Variants in FER observed in about 807,000 individuals in gnomAD.
FER encodes the protein tyrosine-protein kinase Fer.
Under a neutral mutation model 111.0 loss-of-function variants are expected in FER, and 63 were observed. The observed-to-expected ratio is 0.57, with a 90% confidence interval of 0.46 to 0.70. The LOEUF is 0.70. Among genes scored for constraint, FER ranks in the 30% least tolerant of loss-of-function variants. The probability of loss-of-function intolerance (pLI) is 0.00; values close to 1 mark genes in which losing one functional copy is unlikely to be tolerated. For synonymous variants in FER, 327 were observed against 313.9 expected (o/e 1.04, Z -0.44); for missense variants, 914 against 954.0 (o/e 0.96, Z 0.55).
chr5:108,894,456 T>A, intron 9 of FER: 1 of 430,554 alleles, frequency 2.3e-6, no homozygotes, highest in South Asian at 2.9e-5. Flanking sequence ...AATGAAGCAG[T>A]TCTTCACTGA....
chr5:108,987,855 C>T (rs1762748657), intron 13 of FER, among the ~76,000 whole-genome samples: 1 of 152,106 alleles, frequency 6.6e-6, no homozygotes, highest in South Asian at 2.1e-4. Flanking sequence ...TGAGAATGGG[C>T]GTCCTTGTCT....
intron 17 of FER, among the ~76,000 whole-genome samples, chr5:109,158,222 A>C (rs1755619688): frequency 6.6e-6 from 1 of 151,886 alleles, no homozygotes; most frequent in African/African-American, 2.4e-5. Context: ...CTACAAAAAA[A>C]ATACCAAAAA....
intron 13 of FER, among the ~76,000 whole-genome samples, chr5:108,984,490 A>G (rs1474407815): frequency 3.3e-5 from 5 of 152,140 alleles, no homozygotes; most frequent in Admixed American, 6.6e-5. Flanking sequence ...AATACTATAG[A>G]AGAAAACTAA....
At chr5:109,107,815 A>G (rs1175576163) in intron 17 of FER, among the ~76,000 whole-genome samples, 3 of 152,086 alleles carry the variant, frequency 2.0e-5, no homozygotes, top group Non-Finnish European at 2.9e-5. Flanking sequence ...CTTGAAGACT[A>G]CATTCCTCCA....
intron 9 of FER, among the ~76,000 whole-genome samples, chr5:108,888,642 T>C (rs958134621): frequency 6.6e-6 from 1 of 151,928 alleles, no homozygotes; most frequent in Non-Finnish European, 1.5e-5. Context: ...TAATTTCTAC[T>C]TACTGAAGTA....
intron 13 of FER, among the ~76,000 whole-genome samples, chr5:108,974,087 T>A (rs73778358): frequency 0.14 from 20,760 of 152,220 alleles, 2,065 homozygotes; most frequent in African/African-American, 0.28. Context: ...TGATTATCTC[T>A]TGAGTTAACA....
intron 17 of FER, among the ~76,000 whole-genome samples, chr5:109,163,234 TTATTTC>T (rs200322154): frequency 0.011 from 1,583 of 150,362 alleles, 23 homozygotes; most frequent in African/African-American, 0.037. Context: ...TTATGCTTTT[TTATTTC>T]TGAGTATTTC....
At chr5:109,106,745 C>A (rs1270870606) in intron 17 of FER, among the ~76,000 whole-genome samples, 1 of 152,046 alleles carries the variant, frequency 6.6e-6, no homozygotes, top group African/African-American at 2.4e-5. Flanking sequence ...AATTTCCCAC[C>A]ACTAGTTTCA....
chr5:109,083,956 A>G (rs997680766), intron 16 of FER, among the ~76,000 whole-genome samples: 3 of 152,082 alleles, frequency 2.0e-5, no homozygotes, highest in African/African-American at 7.2e-5. Flanking sequence ...TGAAAAAATA[A>G]TAGGCTAGCT....
intron 13 of FER, among the ~76,000 whole-genome samples, chr5:109,017,365 A>G (rs752295544): frequency 4.6e-5 from 7 of 152,040 alleles, no homozygotes; most frequent in African/African-American, 7.2e-5. Context: ...TACATTACAA[A>G]TACAAAACAT....
At chr5:108,849,944 C>A (rs1762390492) in intron 5 of FER, among the ~76,000 whole-genome samples, 1 of 152,112 alleles carries the variant, frequency 6.6e-6, no homozygotes, top group South Asian at 2.1e-4. Flanking sequence ...GTAATCCCAG[C>A]ACTTTGGGAG....
intron 11 of FER, among the ~76,000 whole-genome samples, chr5:108,950,691 G>A (rs1757604828): frequency 6.6e-6 from 1 of 151,982 alleles, no homozygotes; most frequent in African/African-American, 2.4e-5. Flanking sequence ...TAAAAAACTG[G>A]AAGGGAGAAC....
At position 109,096,140 on chromosome 5, in the gene FER, C is replaced by T. The variant is rs560831734; in HGVS notation, c.1925-4256C>T. ...TCGGTTCCTCTGAGCCCCATTAATA[C>T]TGAAAGAACAGGTGAGATCAAATTT... On this transcript the variant is annotated intron_variant, in intron 16 of 19. Transcript: ENST00000281092. 5.9e-5 allele frequency among the ~76,000 whole-genome samples: 9 copies of T among 151,982 alleles called. No individual in the cohort carries two copies. The South Asian group carries it at 1.5e-3, about 25-fold the overall frequency.
rs563065009 is a variant in FER, at chr5:109,014,306, G to C, written c.1657-23116G>C. On this transcript the variant is annotated intron_variant, in intron 13 of 19. Transcript: ENST00000281092. Reference sequence around the variant, plus strand: ...AGTTTCAGCTTTCTACATATGGCTAGCCAGTTTTCCCAGCACCATTTATTA... The same window carrying C: ...AGTTTCAGCTTTCTACATATGGCTACCCAGTTTTCCCAGCACCATTTATTA... Among the ~76,000 whole-genome samples, 89 of 152,248 alleles carry C rather than the reference G, an allele frequency of 5.8e-4. 1 individual carries two copies. In the South Asian group the frequency reaches 0.014, roughly 24 times the overall value.
At chr5:109,119,172 T>C (rs1750650540) in intron 17 of FER, among the ~76,000 whole-genome samples, 1 of 152,216 alleles carries the variant, frequency 6.6e-6, no homozygotes, top group Non-Finnish European at 1.5e-5. Flanking sequence ...CTCTACACAC[T>C]GCTTTGAATG....
intron 13 of FER, among the ~76,000 whole-genome samples, chr5:108,967,956 G>T (rs1030080545): frequency 6.6e-6 from 1 of 152,134 alleles, no homozygotes; most frequent in Admixed American, 6.5e-5. Flanking sequence ...CTGGGGACCT[G>T]CCCCTATCTG....
chr5:108,915,892 G>A (rs1752204460), intron 10 of FER, among the ~76,000 whole-genome samples: 1 of 151,760 alleles, frequency 6.6e-6, no homozygotes, highest in Admixed American at 6.6e-5. Flanking sequence ...TGAAGAAGAG[G>A]GTCTGAGGTA....
chr5:109,043,265 A>G (rs1771440925), intron 14 of FER, among the ~76,000 whole-genome samples: 1 of 152,198 alleles, frequency 6.6e-6, no homozygotes. Flanking sequence ...ATGTAAATTA[A>G]TATCTTCTCT....
intron 17 of FER, among the ~76,000 whole-genome samples, chr5:109,172,507 A>AGGGG (rs1757240058): frequency 1.2e-5 from 1 of 82,358 alleles, no homozygotes; most frequent in Non-Finnish European, 2.5e-5. Flanking sequence ...GGGGGGAGGG[A>AGGGG]TAGCATTAGG....
Sources: allele counts gnomAD v4.1 joint callset (sites outside exome capture counted in the v4.1 genomes callset), GRCh38; gene constraint gnomAD v4.1.1; transcripts MANE v1.5; gene names NCBI Gene and HGNC (gene_info 2026-07-23, HGNC 2026-07-21).